Variants in XKR9 observed in about 807,000 individuals in gnomAD.
The protein encoded by XKR9 is XK related 9, also known as XK-related protein 9.
XKR9 carries 32 observed loss-of-function variants against 32.0 expected under a neutral mutation model. The ratio of observed to expected loss-of-function variants is 1.00; its 90% confidence interval spans 0.76 to 1.34. The LOEUF is 1.34. XKR9 is among the 40% of genes most tolerant of loss of function. The pLI, the probability that XKR9 is intolerant of heterozygous loss-of-function variation, is 0.00. For synonymous variants in XKR9, 168 were observed against 143.4 expected (o/e 1.17, Z -1.22); for missense variants, 546 against 429.7 (o/e 1.27, Z -2.39).
At chr8:70,804,209 A>G in the XKR9 span, among the ~76,000 whole-genome samples, 3 of 152,332 alleles carry the variant, frequency 2.0e-5, no homozygotes, top group Admixed American at 6.5e-5. Flanking sequence ...AGCAGTTGTC[A>G]TCTGTCTGGC....
At chr8:70,758,954 G>A (rs17760766) in intron 2 of XKR9, among the ~76,000 whole-genome samples, 47,475 of 152,022 alleles carry the variant, frequency 0.31, 8,921 homozygotes, top group Non-Finnish European at 0.43. Context: ...CGTTTAGGAT[G>A]AATTATGCAG....
At chr8:71,003,293 C>T in the XKR9 span, among the ~76,000 whole-genome samples, 3 of 136,666 alleles carry the variant, frequency 2.2e-5, no homozygotes, top group Non-Finnish European at 5.2e-5. Context: ...CAAATACTTG[C>T]AAATGAGTGG....
chr8:70,917,269 A>G, the XKR9 span, among the ~76,000 whole-genome samples: 2 of 152,172 alleles, frequency 1.3e-5, no homozygotes, highest in Non-Finnish European at 2.9e-5. Context: ...ATCCTACCAA[A>G]AATAGTTTTC....
the XKR9 span, among the ~76,000 whole-genome samples, chr8:71,058,485 C>T: frequency 1.3e-5 from 2 of 152,152 alleles, no homozygotes; most frequent in African/African-American, 4.8e-5. Context: ...ACCACATTCC[C>T]ATTAGTCTAG....
intron 2 of XKR9, among the ~76,000 whole-genome samples, chr8:70,787,266 T>C (rs940610041): frequency 4.6e-5 from 7 of 152,210 alleles, no homozygotes; most frequent in African/African-American, 1.4e-4. Flanking sequence ...ATAATGATAC[T>C]GATCACCTGT....
chr8:71,013,101 A>C, the XKR9 span, among the ~76,000 whole-genome samples: 1 of 152,134 alleles, frequency 6.6e-6, no homozygotes, highest in Admixed American at 6.5e-5. Flanking sequence ...TGGAAGGTTG[A>C]AGTTGAAATA....
the XKR9 span, among the ~76,000 whole-genome samples, chr8:70,811,033 C>G: frequency 6.6e-6 from 1 of 152,096 alleles, no homozygotes; most frequent in Non-Finnish European, 1.5e-5. Context: ...TGACCACATA[C>G]TTGGAAGTAA....
At chr8:70,854,020 T>C in the XKR9 span, among the ~76,000 whole-genome samples, 4 of 151,440 alleles carry the variant, frequency 2.6e-5, no homozygotes, top group Non-Finnish European at 5.9e-5. Flanking sequence ...CAGCATGATT[T>C]ATAATCTTTT....
intron 3 of XKR9, among the ~76,000 whole-genome samples, chr8:70,687,728 G>C (rs560645073): frequency 3.3e-5 from 5 of 152,234 alleles, no homozygotes; most frequent in Admixed American, 3.3e-4. Context: ...GGATTAGACT[G>C]TTAAGTGTTT....
At chr8:70,797,205 G>T in the XKR9 span, among the ~76,000 whole-genome samples, 1 of 151,944 alleles carries the variant, frequency 6.6e-6, no homozygotes, top group African/African-American at 2.4e-5. Context: ...AGAGTGAGGG[G>T]TGTGCGCACA....
At chr8:70,760,507 C>T (rs927647238) in intron 2 of XKR9, among the ~76,000 whole-genome samples, 9 of 152,020 alleles carry the variant, frequency 5.9e-5, no homozygotes, top group East Asian at 1.9e-4. Flanking sequence ...CAACATAAAA[C>T]GTACTATTTT....
chr8:70,806,998 G>C, the XKR9 span, among the ~76,000 whole-genome samples: 10 of 152,110 alleles, frequency 6.6e-5, no homozygotes, highest in Admixed American at 6.5e-4. Flanking sequence ...AGGAAAAAAT[G>C]TTAAGGGCAG....
At chr8:71,021,899 A>G in the XKR9 span, among the ~76,000 whole-genome samples, 3 of 152,234 alleles carry the variant, frequency 2.0e-5, no homozygotes, top group Non-Finnish European at 4.4e-5. Context: ...TTAGTCATAA[A>G]TACTTTCCCA....
the XKR9 span, among the ~76,000 whole-genome samples, chr8:70,818,097 A>C: frequency 2.0e-5 from 3 of 152,184 alleles, no homozygotes; most frequent in African/African-American, 7.2e-5. Context: ...CAGCAAGAAC[A>C]AATTTGACAA....
the XKR9 span, among the ~76,000 whole-genome samples, chr8:70,864,119 G>A: frequency 2.0e-5 from 3 of 152,142 alleles, no homozygotes; most frequent in Admixed American, 2.0e-4. Context: ...CTGGCTATGT[G>A]CCAGGTAATA....
intron 2 of XKR9, among the ~76,000 whole-genome samples, chr8:70,757,431 T>C (rs1196106610): frequency 1.3e-5 from 2 of 152,202 alleles, no homozygotes; most frequent in African/African-American, 4.8e-5. Context: ...ATTATTTCAG[T>C]TATTACACTT....
At chr8:70,736,961 G>C (rs1806874121), downstream of XKR9, among the ~76,000 whole-genome samples, 1 of 152,036 alleles carries the variant, frequency 6.6e-6, no homozygotes, top group African/African-American at 2.4e-5. Context: ...GCTCTTTTTT[G>C]GTTCCATATG....
At chr8:70,833,482 G>A in the XKR9 span, among the ~76,000 whole-genome samples, 8 of 152,052 alleles carry the variant, frequency 5.3e-5, 1 homozygote, top group South Asian at 1.5e-3. Context: ...ATATGTAGAT[G>A]TTATTCTTTA....
At chr8:71,046,537 C>T in the XKR9 span, among the ~76,000 whole-genome samples, 1 of 152,304 alleles carries the variant, frequency 6.6e-6, no homozygotes, top group Non-Finnish European at 1.5e-5. Context: ...TATCATTGTG[C>T]CTGTCTGATA....
Sources: gnomAD v4.1 joint callset for allele counts (sites outside exome capture counted in the v4.1 genomes callset) on GRCh38, gnomAD v4.1.1 for gene constraint, MANE v1.5 for transcripts, NCBI Gene and HGNC (gene_info 2026-07-23, HGNC 2026-07-21) for gene names.